The following ROBO1 variants were observed in gnomAD, a reference collection of about 807,000 sequenced individuals.
ROBO1 encodes roundabout homolog 1.
A neutral mutation model predicts 195.9 loss-of-function variants in ROBO1; 149 were observed. The observed-to-expected ratio is 0.76, with a 90% CI of 0.67 to 0.87. The LOEUF (loss-of-function observed/expected upper bound fraction) is 0.87, where lower values mean the gene tolerates loss of function less well. ROBO1 is among the 40% of genes least tolerant of loss of function. The probability of loss-of-function intolerance (pLI) is 0.00; values close to 1 mark genes in which losing one functional copy is unlikely to be tolerated. For synonymous variants in ROBO1, 816 were observed against 733.2 expected (o/e 1.11, Z -1.82); for missense variants, 1,933 against 2,068.3 (o/e 0.93, Z 1.27).
chr3:78,620,107 TG>T (rs1054708301), intron 26 of ROBO1, among the ~76,000 whole-genome samples: 6 of 152,008 alleles, frequency 3.9e-5, no homozygotes, highest in African/African-American at 1.4e-4. Flanking sequence ...ATACAGGACC[TG>T]GTCAAGATCT....
intron 3 of ROBO1, among the ~76,000 whole-genome samples, chr3:79,051,917 A>G (rs1224193237): frequency 2.0e-5 from 3 of 152,064 alleles, no homozygotes; most frequent in African/African-American, 7.2e-5. Context: ...TCATCTTCCT[A>G]AGCTGAGGAT....
At chr3:79,502,429 GC>G (rs979251318) in intron 2 of ROBO1, among the ~76,000 whole-genome samples, 1 of 152,144 alleles carries the variant, frequency 6.6e-6, no homozygotes. Context: ...TTCTCGCCGG[GC>G]CTTAGCTGCC....
chr3:78,779,719 C>A (rs1333582828), intron 4 of ROBO1, among the ~76,000 whole-genome samples: 1 of 152,042 alleles, frequency 6.6e-6, no homozygotes, highest in Non-Finnish European at 1.5e-5. Context: ...GATCTAGAAC[C>A]AGAAATACCA....
chr3:78,880,661 C>A (rs1258525972), intron 4 of ROBO1, among the ~76,000 whole-genome samples: 1 of 152,140 alleles, frequency 6.6e-6, no homozygotes, highest in East Asian at 1.9e-4. Flanking sequence ...CAGGCCGCTG[C>A]TCTTTGAACC....
chr3:79,354,753 G>A (rs1173007045), intron 2 of ROBO1, among the ~76,000 whole-genome samples: 1 of 152,144 alleles, frequency 6.6e-6, no homozygotes, highest in Non-Finnish European at 1.5e-5. Flanking sequence ...TTGCAACAGA[G>A]TGGAATTACT....
chr3:78,619,805 G>A (rs971638489), intron 26 of ROBO1, among the ~76,000 whole-genome samples: 3 of 151,826 alleles, frequency 2.0e-5, no homozygotes, highest in African/African-American at 4.8e-5. Context: ...ATCACCTGAG[G>A]TCAGGAGTTT....
At chr3:79,626,819 C>G (rs543400212) in intron 1 of ROBO1, among the ~76,000 whole-genome samples, 1 of 152,188 alleles carries the variant, frequency 6.6e-6, no homozygotes, top group African/African-American at 2.4e-5. Context: ...GGATACAAAA[C>G]AAATGTGCAA....
At chr3:79,058,704 AC>A (rs200671345) in intron 3 of ROBO1, among the ~76,000 whole-genome samples, 3 of 9,510 alleles carry the variant, frequency 3.2e-4, no homozygotes, top group South Asian at 0.083. Context: ...ACTTGTATTA[AC>A]TCCCTATTTT....
At chr3:79,551,475 T>C (rs1942509745) in intron 2 of ROBO1, among the ~76,000 whole-genome samples, 1 of 152,106 alleles carries the variant, frequency 6.6e-6, no homozygotes, top group African/African-American at 2.4e-5. Context: ...GTAAGTTTTG[T>C]AAAATAAAAA....
At chr3:79,462,115 A>G (rs1937671401) in intron 2 of ROBO1, among the ~76,000 whole-genome samples, 1 of 152,116 alleles carries the variant, frequency 6.6e-6, no homozygotes, top group South Asian at 2.1e-4. Flanking sequence ...AAAGGTATTT[A>G]TGGATTTTAT....
intron 2 of ROBO1, among the ~76,000 whole-genome samples, chr3:79,519,714 AGAGT>A (rs1941125114): frequency 6.6e-6 from 1 of 151,604 alleles, no homozygotes; most frequent in South Asian, 2.1e-4. Flanking sequence ...GAGAAGGTTG[AGAGT>A]GAAAGTGTTT....
At chr3:79,488,439 A>G (rs775277807) in intron 2 of ROBO1, among the ~76,000 whole-genome samples, 3 of 152,190 alleles carry the variant, frequency 2.0e-5, no homozygotes, top group Admixed American at 6.5e-5. Context: ...AAATGTGCAT[A>G]TGAAGATAGA....
chr3:79,421,251 T>TA (rs1192099208), intron 2 of ROBO1, among the ~76,000 whole-genome samples: 1 of 151,854 alleles, frequency 6.6e-6, no homozygotes, highest in Non-Finnish European at 1.5e-5. Flanking sequence ...GGATGAGAAT[T>TA]AAAAAATTAC....
intron 3 of ROBO1, among the ~76,000 whole-genome samples, chr3:79,099,190 G>T (rs2079628624): frequency 6.6e-6 from 1 of 151,440 alleles, no homozygotes; most frequent in Non-Finnish European, 1.5e-5. Flanking sequence ...CTCTAGATTG[G>T]CTTGCTTTTT....
chr3:79,077,358 A>G (rs529058107), intron 3 of ROBO1, among the ~76,000 whole-genome samples: 2 of 151,982 alleles, frequency 1.3e-5, no homozygotes, highest in African/African-American at 4.8e-5. Context: ...TTATCCTATG[A>G]TGCATATAGT....
intron 3 of ROBO1, among the ~76,000 whole-genome samples, chr3:79,055,583 C>T (rs2078789968): frequency 6.6e-6 from 1 of 152,000 alleles, no homozygotes; most frequent in South Asian, 2.1e-4. Flanking sequence ...ACACCAATCC[C>T]CATTAATCTT....
intron 2 of ROBO1, among the ~76,000 whole-genome samples, chr3:79,247,051 C>T (rs1302512336): frequency 5.3e-5 from 8 of 151,250 alleles, no homozygotes; most frequent in South Asian, 2.1e-4. Flanking sequence ...ATCCTTTTTT[C>T]CTCTAATGCT....
chr3:79,469,416 C>CA, intron 2 of ROBO1, among the ~76,000 whole-genome samples: 1 of 152,150 alleles, frequency 6.6e-6, no homozygotes, highest in East Asian at 1.9e-4. Flanking sequence ...AAACACCAAA[C>CA]AAAAACAAAA....
At chr3:79,407,769 TTGTTAAATTATTA>T (rs1256832530) in intron 2 of ROBO1, among the ~76,000 whole-genome samples, 2 of 152,272 alleles carry the variant, frequency 1.3e-5, no homozygotes, top group Non-Finnish European at 2.9e-5. Context: ...CTCTGATTTA[TTGTTAAATTATTA>T]TATACTTTAA....
Sources: gnomAD v4.1 joint callset for allele counts (sites outside exome capture counted in the v4.1 genomes callset) on GRCh38, gnomAD v4.1.1 for gene constraint, MANE v1.5 for transcripts, NCBI Gene and HGNC (gene_info 2026-07-23, HGNC 2026-07-21) for gene names.